The following ARL15 variants were observed in gnomAD, a reference collection of about 807,000 sequenced individuals.
The protein encoded by ARL15 is ADP-ribosylation factor-like protein 15.
In ARL15, 19 loss-of-function variants were observed where a neutral mutation model predicts 25.2. That is an observed-to-expected ratio of 0.75 (90% CI 0.53 to 1.10). The LOEUF (loss-of-function observed/expected upper bound fraction) is 1.10, where lower values mean the gene tolerates loss of function less well. ARL15 is among the 50% of genes least tolerant of loss of function. ARL15 has a pLI of 0.00. For missense variants in ARL15, 220 were observed against 246.0 expected, an observed-to-expected ratio of 0.89 and a Z score of 0.71; for synonymous variants, 94 against 86.8, an observed-to-expected ratio of 1.08 and a Z score of -0.46.
At chr5:54,153,426 T>C (rs1754128236) in intron 3 of ARL15, among the ~76,000 whole-genome samples, 1 of 152,208 alleles carries the variant, frequency 6.6e-6, no homozygotes, top group African/African-American at 2.4e-5. Context: ...GCCATACATT[T>C]ATTTTTCTTA....
At chr5:53,943,507 G>A (rs943264967) in intron 4 of ARL15, among the ~76,000 whole-genome samples, 1 of 152,126 alleles carries the variant, frequency 6.6e-6, no homozygotes, top group African/African-American at 2.4e-5. Context: ...AATTTAATAA[G>A]CCAGTCAGGA....
At chr5:54,018,935 C>T (rs1159492383) in intron 4 of ARL15, among the ~76,000 whole-genome samples, 1 of 152,066 alleles carries the variant, frequency 6.6e-6, no homozygotes, top group Non-Finnish European at 1.5e-5. Flanking sequence ...ATAATCTGCA[C>T]AATTTAAGAT....
intron 4 of ARL15, among the ~76,000 whole-genome samples, chr5:54,075,073 GAAAA>G (rs3836818): frequency 7.8e-5 from 5 of 63,926 alleles, no homozygotes; most frequent in Admixed American, 2.2e-4. Flanking sequence ...CAGAATACAG[GAAAA>G]AAAAAAAAAA....
At chr5:54,008,399 T>C (rs551982509) in intron 4 of ARL15, among the ~76,000 whole-genome samples, 2 of 152,344 alleles carry the variant, frequency 1.3e-5, no homozygotes, top group African/African-American at 4.8e-5. Context: ...CAAACCTTTG[T>C]ACCCAAAGCA....
At chr5:54,297,142 C>T (rs3797225) in intron 1 of ARL15, among the ~76,000 whole-genome samples, 8,056 of 152,260 alleles carry the variant, frequency 0.053, 297 homozygotes, top group East Asian at 0.18. Context: ...AGACTCTCGG[C>T]CTATTTTTTT....
chr5:53,962,524 CA>C (rs755609002), intron 4 of ARL15, among the ~76,000 whole-genome samples: 1 of 152,080 alleles, frequency 6.6e-6, no homozygotes, highest in Non-Finnish European at 1.5e-5. Context: ...ACTTTTTGAA[CA>C]GTAAGTTTCA....
At chr5:54,305,743 G>A (rs1322124957) in intron 1 of ARL15, among the ~76,000 whole-genome samples, 1 of 151,974 alleles carries the variant, frequency 6.6e-6, no homozygotes. Context: ...ATATGAATGT[G>A]GTCTCTCTCT....
At chr5:53,894,581 T>C (rs936796076) in intron 4 of ARL15, among the ~76,000 whole-genome samples, 7 of 152,176 alleles carry the variant, frequency 4.6e-5, no homozygotes, top group African/African-American at 1.7e-4. Context: ...AGATAACCAC[T>C]ATGAGAGGCA....
intron 4 of ARL15, among the ~76,000 whole-genome samples, chr5:53,969,663 T>C (rs558238988): frequency 6.6e-6 from 1 of 152,330 alleles, no homozygotes; most frequent in Non-Finnish European, 1.5e-5. Flanking sequence ...CTATTTCTGC[T>C]TTATGATCTC....
chr5:54,303,907 T>A (rs1758684063), intron 1 of ARL15, among the ~76,000 whole-genome samples: 1 of 151,986 alleles, frequency 6.6e-6, no homozygotes. Context: ...ATGCTGAAGA[T>A]CACCTCAGTG....
chr5:54,108,845 AAC>A (rs1412334181), intron 4 of ARL15, among the ~76,000 whole-genome samples: 2 of 152,056 alleles, frequency 1.3e-5, no homozygotes, highest in Non-Finnish European at 2.9e-5. Flanking sequence ...ATACCATAGA[AAC>A]ACACTAGCAC....
intron 1 of ARL15, among the ~76,000 whole-genome samples, chr5:54,302,114 C>A (rs1758630171): frequency 6.6e-6 from 1 of 152,208 alleles, no homozygotes; most frequent in African/African-American, 2.4e-5. Context: ...CCAGTGGGAG[C>A]TGCACTGTCA....
chr5:53,972,470 T>C (rs702637), intron 4 of ARL15, among the ~76,000 whole-genome samples: 47,573 of 152,050 alleles, frequency 0.31, 8,675 homozygotes, highest in Middle Eastern at 0.45. Flanking sequence ...CTTATTACCT[T>C]GAACAAGTCA....
At chr5:54,058,281 C>G (rs1451279339) in intron 4 of ARL15, among the ~76,000 whole-genome samples, 1 of 152,154 alleles carries the variant, frequency 6.6e-6, no homozygotes, top group Admixed American at 6.5e-5. Context: ...GCTGGGATTA[C>G]AGGTGTGAGC....
At chr5:54,146,406 G>A (rs1201267094) in intron 3 of ARL15, among the ~76,000 whole-genome samples, 2 of 151,984 alleles carry the variant, frequency 1.3e-5, no homozygotes, top group Non-Finnish European at 2.9e-5. Context: ...CAGCATCTTC[G>A]ACTGCTGGAA....
chr5:54,146,079 C>A (rs1183199216), intron 3 of ARL15, among the ~76,000 whole-genome samples: 1 of 151,990 alleles, frequency 6.6e-6, no homozygotes, highest in African/African-American at 2.4e-5. Flanking sequence ...TAATGCTTCT[C>A]AAGGAAAACA....
intron 4 of ARL15, among the ~76,000 whole-genome samples, chr5:54,001,274 G>A (rs1024702849): frequency 6.6e-6 from 1 of 151,952 alleles, no homozygotes; most frequent in African/African-American, 2.4e-5. Context: ...CACCTTTGAG[G>A]GGAGAGCCAC....
At position 54,310,299 on chromosome 5, in the gene ARL15, C is replaced by T. The variant is rs151044381; in HGVS notation, c.48+133G>A. The T allele has an allele frequency of 3.1e-4, 322 of 1,040,292 alleles. 2 individuals are homozygous for T. The African/African-American group carries it at 5.0e-3, about 16-fold the overall frequency. The allele number at this position is 1,040,292 out of a possible 1,614,324, so 64.4% of individuals were successfully genotyped here. ...CGAGTCCAGGGAAAGGCTTACCAGC[C>T]GGCTGCGGGAGAAAGAACCCCAGAG... On this transcript the variant is annotated intron_variant, in intron 1 of 4. Transcript: ENST00000504924.
At chr5:53,958,072 C>T (rs1257579935) in intron 4 of ARL15, among the ~76,000 whole-genome samples, 4 of 150,974 alleles carry the variant, frequency 2.6e-5, no homozygotes, top group Middle Eastern at 3.4e-3. Context: ...TAACCAGGCA[C>T]GGTGGTGGCT....
Sources: gnomAD v4.1 joint callset for allele counts (sites outside exome capture counted in the v4.1 genomes callset) on GRCh38, gnomAD v4.1.1 for gene constraint, MANE v1.5 for transcripts, NCBI Gene and HGNC (gene_info 2026-07-23, HGNC 2026-07-21) for gene names.